The following ERO1A variants were observed in gnomAD, a reference collection of about 807,000 sequenced individuals.
ERO1A encodes the protein ERO1-like protein alpha.
ERO1A carries 49 observed loss-of-function variants against 76.9 expected under a neutral mutation model. The ratio of observed to expected loss-of-function variants is 0.64; its 90% CI spans 0.51 to 0.81. The LOEUF (loss-of-function observed/expected upper bound fraction) is 0.81, where lower values mean the gene tolerates loss of function less well. Among genes scored for constraint, ERO1A ranks in the 30% least tolerant of loss-of-function variants. ERO1A has a pLI of 0.00. For synonymous variants in ERO1A, 174 were observed against 181.2 expected (o/e 0.96, Z 0.32); for missense variants, 448 against 542.1 (o/e 0.83, Z 1.72).
intron 4 of ERO1A, among the ~76,000 whole-genome samples, chr14:52,677,430 C>T (rs2040823842): frequency 6.6e-6 from 1 of 152,126 alleles, no homozygotes; most frequent in African/African-American, 2.4e-5. Flanking sequence ...CTGACTAGTA[C>T]TACTCAAAAA....
At chr14:52,668,352 C>G (rs1005650191) in intron 6 of ERO1A, among the ~76,000 whole-genome samples, 4 of 151,950 alleles carry the variant, frequency 2.6e-5, no homozygotes, top group Non-Finnish European at 5.9e-5. Flanking sequence ...TCGAGACCAG[C>G]CTGACCAACA....
intron 3 of ERO1A, among the ~76,000 whole-genome samples, chr14:52,678,748 C>T (rs1030259918): frequency 1.3e-4 from 20 of 152,206 alleles, no homozygotes; most frequent in Admixed American, 1.1e-3. Context: ...CAAATTGTCC[C>T]GTATTTGGCC....
At chr14:52,652,047 G>C (rs2039887377) in intron 13 of ERO1A, among the ~76,000 whole-genome samples, 192 bp downstream of exon 13, 1 of 146,168 alleles carries the variant, frequency 6.8e-6, no homozygotes, top group Non-Finnish European at 1.5e-5. Flanking sequence ...GCCCAAGCTG[G>C]TCTTGAACTC....
At chr14:52,666,321 A>G in intron 7 of ERO1A, 54 bp downstream of exon 7, 1 of 1,289,912 alleles carries the variant, frequency 7.8e-7, no homozygotes. Flanking sequence ...TTTTGTTTAT[A>G]AAGAGAAATC....
In ERO1A at chr14:52,671,880, A is replaced by T; in HGVS notation, c.358-9T>A. On this transcript the variant is annotated splice_polypyrimidine_tract_variant and intron_variant, in intron 4 of 15. Transcript: ENST00000395686. ...TTGGCTTCTTCAGAATACTAAAATG[A>T]AAAAGGGAATAAATAGATAATAACT... The T allele has an allele frequency of 6.5e-7, 1 of 1,548,422 alleles. No homozygotes were observed. The highest frequency in any genetic ancestry group is 8.8e-7 in the Non-Finnish European group (1 of 1,132,094).
At chr14:52,675,428 A>T (rs999947249) in intron 4 of ERO1A, among the ~76,000 whole-genome samples, 2 of 152,140 alleles carry the variant, frequency 1.3e-5, no homozygotes, top group Admixed American at 6.5e-5. Flanking sequence ...GGGTATAAGA[A>T]TGTTCAAGGG....
chr14:52,684,236 T>C (rs981208116), intron 1 of ERO1A, among the ~76,000 whole-genome samples: 5 of 151,724 alleles, frequency 3.3e-5, no homozygotes, highest in African/African-American at 1.2e-4. Flanking sequence ...GGCATCCAAC[T>C]CAAACCAGGT....
rs75867815 is a variant in ERO1A at position 52,658,299 on chromosome 14, C to T, written c.689-149G>A. 8.5e-4 allele frequency: 514 copies of T among 602,288 alleles called. 3 individuals are homozygous for T. The African/African-American group carries it at 8.9e-3, about 10-fold the overall frequency. 37.3% of individuals were successfully genotyped at this position (602,288 alleles called of 1,614,324 possible). A position where few individuals can be genotyped will look rare whatever the true frequency, so the allele number is the denominator to read the frequency against. ...GGTCCAAGTCTTAATTGCAATTTCT[C>T]GAAAGGAAGAAGAAAGGTTATGGAT... On this transcript the variant is annotated intron_variant, in intron 9 of 15. Coordinates refer to ENST00000395686, the MANE Select transcript of ERO1A (RefSeq NM_014584.3).
intron 1 of ERO1A, among the ~76,000 whole-genome samples, chr14:52,692,268 T>C (rs1281109417): frequency 1.3e-5 from 2 of 152,216 alleles, no homozygotes; most frequent in Non-Finnish European, 2.9e-5. Flanking sequence ...CAACATATGC[T>C]TGATGAATTT....
In ERO1A at chr14:52,642,528, T is replaced by A. The variant is rs1485621985; in HGVS notation, c.*1042A>T. The A allele has an allele frequency of 6.6e-6, 1 of 152,168 alleles. No individual in the cohort carries two copies. Among genetic ancestry groups the A allele is most frequent in the Non-Finnish European group, 1.5e-5 (1 of 68,038 alleles). 9.4% of individuals were successfully genotyped at this position (152,168 alleles called of 1,614,324 possible). Reference sequence around the variant, plus strand: ...GTTCCAGAATTGTGGGAGTTTTTTTTTCTGAGAAAATCATTTTTAGTAATT... The same window carrying A: ...GTTCCAGAATTGTGGGAGTTTTTTTATCTGAGAAAATCATTTTTAGTAATT... On this transcript the variant is annotated 3_prime_UTR_variant, in exon 16 of 16. Coordinates refer to ENST00000395686, the MANE Select transcript of ERO1A (RefSeq NM_014584.3).
Position 52,642,369 on chromosome 14 carries a change from A to C in ERO1A, c.*1201T>G, listed in dbSNP as rs2039504623. 1 of 151,960 alleles carries C rather than the reference A, an allele frequency of 6.6e-6. No homozygotes were observed. Among genetic ancestry groups the C allele is most frequent in the Non-Finnish European group, 1.5e-5 (1 of 67,994 alleles). 9.4% of individuals were successfully genotyped at this position (151,960 alleles called of 1,614,324 possible). A position where few individuals can be genotyped will look rare whatever the true frequency, so the allele number is the denominator to read the frequency against. ...GGCAACACAGCAAAACCTTGTCTCTAAAAAAAATTTTAATAAAATAAATAG... is the reference window on the plus strand; with the variant it reads ...GGCAACACAGCAAAACCTTGTCTCTCAAAAAAATTTTAATAAAATAAATAG... On this transcript the variant is annotated 3_prime_UTR_variant, in exon 16 of 16. Transcript: ENST00000395686.
chr14:52,667,691 C>A (rs1391660852), intron 6 of ERO1A, among the ~76,000 whole-genome samples: 3 of 152,096 alleles, frequency 2.0e-5, no homozygotes, highest in Non-Finnish European at 4.4e-5. Flanking sequence ...CACGGCACTC[C>A]AGCCTGGGCA....
At chr14:52,694,590 A>C (rs2041482811) in intron 1 of ERO1A, among the ~76,000 whole-genome samples, 1 of 152,132 alleles carries the variant, frequency 6.6e-6, no homozygotes, top group Non-Finnish European at 1.5e-5. Flanking sequence ...AGTGGCTTTG[A>C]CAAGAGTAAT....
intron 2 of ERO1A, 108 bp downstream of exon 2, chr14:52,683,680 C>A: frequency 2.0e-6 from 1 of 506,604 alleles, no homozygotes. Flanking sequence ...TTAATAAAGC[C>A]TATATCAATT....
chr14:52,680,082 C>CAAAAAAAAAAAAAAAAAAAAAAAAAAAA (rs35358193), intron 3 of ERO1A, among the ~76,000 whole-genome samples: 2 of 90,934 alleles, frequency 2.2e-5, no homozygotes, highest in Non-Finnish European at 2.2e-5. Flanking sequence ...AAAACACAAA[C>CAAAAAAAAAAAAAAAAAAAAAAAAAAAA]AAAAAAAAAA....
In ERO1A at chr14:52,653,194, T is replaced by C; in HGVS notation, c.930A>G (p.Ile310Met). The change falls in exon 12 of 16, where the codon ATA becomes ATG. Residue 310 changes from isoleucine (I) to methionine (M), a missense_variant. Transcript: ENST00000395686. ...RLKNLYFLYL[I>M]ELRALSKVLP... The stretch of plus-strand genomic sequence containing the variant: ...ACACTTTGGATAAAGCCCTTAGTTC[T>C]ATTAAGTAGAGAAAATACAAGTTCT... 3 of 1,613,568 alleles carry C rather than the reference T, an allele frequency of 1.9e-6. No individual in the cohort carries two copies. Among genetic ancestry groups the C allele is most frequent in the South Asian group, 1.1e-5 (1 of 91,026 alleles).
At chr14:52,658,041 T>G in intron 10 of ERO1A, 32 bp from the exon 11 acceptor site, 1 of 1,537,752 alleles carries the variant, frequency 6.5e-7, no homozygotes, top group Non-Finnish European at 8.9e-7. Context: ...GAAATAAAAT[T>G]TCATATGTGA....
intron 6 of ERO1A, 197 bp downstream of exon 6, chr14:52,671,433 T>C: frequency 2.3e-6 from 1 of 426,824 alleles, no homozygotes; most frequent in Non-Finnish European, 4.2e-6. Flanking sequence ...TTTTCTTTAA[T>C]AACTTTTTTC....
In ERO1A at chr14:52,659,541, C is replaced by T. The variant is rs78087248; in HGVS notation, c.689-1391G>A. ...AGTCAAGTTGCTGAACCTCTCTTCA[C>T]CTATAACATGGAGACAGGAATAATA... On this transcript the variant is annotated intron_variant, in intron 9 of 15. Transcript: ENST00000395686. Among the ~76,000 whole-genome samples, 392 of 152,100 alleles carry T rather than the reference C, an allele frequency of 2.6e-3. 2 individuals carry two copies. Among genetic ancestry groups the T allele is most frequent in the African/African-American group, 9.1e-3 (377 of 41,494 alleles).
Sources: allele counts gnomAD v4.1 joint callset (sites outside exome capture counted in the v4.1 genomes callset), GRCh38; gene constraint gnomAD v4.1.1; transcripts MANE v1.5; gene names NCBI Gene and HGNC (gene_info 2026-07-23, HGNC 2026-07-21).